Variants in NAV3 observed in about 807,000 individuals in gnomAD.
NAV3 encodes the protein neuron navigator 3.
A neutral mutation model predicts 244.7 loss-of-function variants in NAV3; 87 were observed. The ratio of observed to expected loss-of-function variants is 0.36; its 90% CI spans 0.30 to 0.42. The LOEUF (loss-of-function observed/expected upper bound fraction) is 0.42, where lower values mean the gene tolerates loss of function less well. NAV3 is among the 20% of genes least tolerant of loss of function. NAV3 has a pLI of 1.00. For missense variants in NAV3, 2,663 were observed against 2,893.3 expected (o/e 0.92, Z 1.83); for synonymous variants, 1,126 against 1,042.2 (o/e 1.08, Z -1.55).
chr12:77,574,363 A>G (rs1342911552), intron 2 of NAV3, among the ~76,000 whole-genome samples: 1 of 152,162 alleles, frequency 6.6e-6, no homozygotes, highest in Admixed American at 6.5e-5. Flanking sequence ...CCTAGTCTCA[A>G]TGACACAATG....
At chr12:77,853,736 G>A (rs187436488) in intron 1 of NAV3, among the ~76,000 whole-genome samples, 4 of 152,154 alleles carry the variant, frequency 2.6e-5, no homozygotes, top group East Asian at 1.9e-4. Context: ...AACTCTTAAC[G>A]TATGCATACC....
intron 30 of NAV3, among the ~76,000 whole-genome samples, chr12:78,182,965 G>T (rs1958562749): frequency 6.6e-6 from 1 of 151,878 alleles, no homozygotes; most frequent in East Asian, 1.9e-4. Context: ...AAGAAAGTAG[G>T]CAGGAGAGAG....
At chr12:77,872,800 A>AT (rs923762705) in intron 1 of NAV3, among the ~76,000 whole-genome samples, 4 of 152,046 alleles carry the variant, frequency 2.6e-5, no homozygotes, top group African/African-American at 7.2e-5. Context: ...TATTTATGTC[A>AT]TTTTTTTCAT....
intron 12 of NAV3, among the ~76,000 whole-genome samples, chr12:78,101,953 A>G (rs1383682888): frequency 6.6e-6 from 1 of 152,208 alleles, no homozygotes; most frequent in African/African-American, 2.4e-5. Context: ...TCTTGGTATT[A>G]TTTAAATTAC....
intron 12 of NAV3, among the ~76,000 whole-genome samples, chr12:78,067,050 C>G (rs7965902): frequency 6.6e-6 from 1 of 151,996 alleles, no homozygotes; most frequent in Non-Finnish European, 1.5e-5. Context: ...GATTTCCAAG[C>G]CTTTTCCAAC....
At chr12:78,158,480 C>T (rs1957397785) in intron 22 of NAV3, among the ~76,000 whole-genome samples, 1 of 151,988 alleles carries the variant, frequency 6.6e-6, no homozygotes, top group Non-Finnish European at 1.5e-5. Context: ...TAGTTATGTA[C>T]TACAATATGT....
At chr12:77,914,801 C>T (rs369004984) in intron 1 of NAV3, among the ~76,000 whole-genome samples, 1 of 149,684 alleles carries the variant, frequency 6.7e-6, no homozygotes, top group Non-Finnish European at 1.5e-5. Context: ...TAAACACAAA[C>T]CTTTTACCAG....
At chr12:78,068,482 G>C (rs964964123) in intron 12 of NAV3, among the ~76,000 whole-genome samples, 10 of 150,624 alleles carry the variant, frequency 6.6e-5, no homozygotes, top group African/African-American at 2.4e-4. Flanking sequence ...ATTGCAGATT[G>C]TCAATAGATC....
intron 2 of NAV3, among the ~76,000 whole-genome samples, chr12:77,725,365 A>G (rs558124229): frequency 4.5e-4 from 69 of 152,176 alleles, no homozygotes; most frequent in African/African-American, 1.6e-3. Context: ...ATAACTGACG[A>G]AAATGTGTTC....
At chr12:77,645,536 T>C (rs376276900) in intron 2 of NAV3, among the ~76,000 whole-genome samples, 2 of 63,012 alleles carry the variant, frequency 3.2e-5, no homozygotes, top group East Asian at 9.5e-4. Context: ...TCTCTCTCTC[T>C]AAAAAAAAAA....
intron 9 of NAV3, 123 bp downstream of exon 9, chr12:78,021,985 C>G: frequency 2.2e-6 from 1 of 447,010 alleles, no homozygotes; most frequent in Non-Finnish European, 4.0e-6. Flanking sequence ...ATATACATCT[C>G]ATGCTTCAAA....
chr12:77,775,249 A>G (rs1206144544), intron 2 of NAV3, among the ~76,000 whole-genome samples: 1 of 152,030 alleles, frequency 6.6e-6, no homozygotes, highest in Non-Finnish European at 1.5e-5. Flanking sequence ...AAAATTAGCC[A>G]GGCATGGTGG....
chr12:77,795,297 CCTAA>C (rs1348819893), intron 2 of NAV3, among the ~76,000 whole-genome samples: 4 of 152,096 alleles, frequency 2.6e-5, no homozygotes, highest in Non-Finnish European at 1.5e-5. Context: ...AAAGCAAAGC[CCTAA>C]CTGTCTTCGA....
intron 1 of NAV3, among the ~76,000 whole-genome samples, chr12:77,869,192 C>T (rs1880565840): frequency 6.6e-6 from 1 of 151,724 alleles, no homozygotes; most frequent in East Asian, 1.9e-4. Context: ...TACCTCTTAG[C>T]CCTGTGACCT....
chr12:78,152,813 A>T (rs1957127972), intron 22 of NAV3, among the ~76,000 whole-genome samples: 1 of 152,032 alleles, frequency 6.6e-6, no homozygotes, highest in Admixed American at 6.6e-5. Context: ...TGAAAGTAAA[A>T]GTAAGTCTTT....
chr12:77,890,239 C>T (rs1883773471), intron 1 of NAV3, among the ~76,000 whole-genome samples: 1 of 152,114 alleles, frequency 6.6e-6, no homozygotes, highest in Non-Finnish European at 1.5e-5. Flanking sequence ...CGACAGGTGC[C>T]TGCCTGTCAC....
At chr12:78,018,727 T>G (rs1403993694) in intron 8 of NAV3, among the ~76,000 whole-genome samples, 1 of 152,228 alleles carries the variant, frequency 6.6e-6, no homozygotes, top group African/African-American at 2.4e-5. Context: ...GACACTTCTT[T>G]GCAGGCAGCC....
chr12:77,957,657 G>T (rs1238624249), intron 3 of NAV3, among the ~76,000 whole-genome samples: 1 of 151,974 alleles, frequency 6.6e-6, no homozygotes. Context: ...TCACTGAAAT[G>T]AATAACTATC....
rs1396299910 is a variant in NAV3 at position 78,210,624 on chromosome 12, C to A, written c.*107C>A. 13 of 1,359,504 alleles carry A rather than the reference C, an allele frequency of 9.6e-6. No homozygotes were observed. The highest frequency in any genetic ancestry group is 1.5e-5 in the African/African-American group (1 of 67,796). 84.2% of individuals were successfully genotyped at this position (1,359,504 alleles called of 1,614,324 possible). A position where few individuals can be genotyped will look rare whatever the true frequency, so the allele number is the denominator to read the frequency against. On this transcript the variant is annotated 3_prime_UTR_variant, in exon 40 of 40. Coordinates refer to ENST00000397909, the MANE Select transcript of NAV3 (RefSeq NM_001024383.2). Reference sequence around the variant, plus strand: ...GTATAAAAGCACCCTGTCAAGGGCCCTGACCCAGAGTTGTGGTCTCCAAGG... The same window carrying A: ...GTATAAAAGCACCCTGTCAAGGGCCATGACCCAGAGTTGTGGTCTCCAAGG...
Sources: allele counts gnomAD v4.1 joint callset (sites outside exome capture counted in the v4.1 genomes callset), GRCh38; gene constraint gnomAD v4.1.1; transcripts MANE v1.5; gene names NCBI Gene and HGNC (gene_info 2026-07-23, HGNC 2026-07-21).